B3GAT1: variants seen among roughly 807,000 people sequenced by gnomAD.
The protein encoded by B3GAT1 is galactosylgalactosylxylosylprotein 3-beta-glucuronosyltransferase 1.
B3GAT1 carries 11 observed loss-of-function variants against 28.4 expected under a neutral mutation model. The ratio of observed to expected loss-of-function variants is 0.39; its 90% CI spans 0.24 to 0.64. B3GAT1 has a LOEUF of 0.64. Ranked by LOEUF, B3GAT1 falls within the 30% of genes least tolerant of loss-of-function variation. The pLI, the probability that B3GAT1 is intolerant of heterozygous loss-of-function variation, is 0.50. For synonymous variants in B3GAT1, 255 were observed against 223.1 expected (o/e 1.14, Z -1.27); for missense variants, 375 against 491.0 (o/e 0.76, Z 2.23).
rs988891025 is a variant in B3GAT1, at chr11:134,384,439, A to G, written c.113-251T>C. On this transcript the variant is annotated intron_variant, in intron 2 of 5. Transcript: ENST00000312527. The stretch of plus-strand genomic sequence containing the variant: ...TTCCCACCTTTGCAGCCCTCTAGCT[A>G]TTTGAGCGCAGTTGCCCATATTCCA... 8.8e-5 allele frequency: 44 copies of G among 500,322 alleles called. No homozygotes were observed. In the East Asian group the frequency reaches 1.3e-3, roughly 15 times the overall value. 31.0% of individuals were successfully genotyped at this position (500,322 alleles called of 1,614,324 possible). A position where few individuals can be genotyped will look rare whatever the true frequency, so the allele number is the denominator to read the frequency against.
At chr11:134,406,329 T>C (rs1318993864) in intron 1 of B3GAT1, among the ~76,000 whole-genome samples, 1 of 152,216 alleles carries the variant, frequency 6.6e-6, no homozygotes, top group Non-Finnish European at 1.5e-5. Context: ...CAGATGCTTT[T>C]TAGTGACAAA....
At chr11:134,382,537 CCTGCCTGTCCGCAGTGTCG>C (rs1944157653) in intron 4 of B3GAT1, among the ~76,000 whole-genome samples, 154 bp downstream of exon 4, 3 of 152,230 alleles carry the variant, frequency 2.0e-5, no homozygotes, top group Admixed American at 1.3e-4. Context: ...TCTCCCTTTC[CCTGCCTGTCCGCAGTGTCG>C]CTGCCTTACA....
chr11:134,393,798 G>A lies in B3GAT1; in HGVS notation c.-281-5858C>T, dbSNP rs963869877. Among the ~76,000 whole-genome samples, 3 of 152,118 alleles carry A rather than the reference G, an allele frequency of 2.0e-5. No individual in the cohort carries two copies. The highest frequency in any genetic ancestry group is 2.1e-4 in the South Asian group (1 of 4,822). ...CGCCGGTCAGTGTGCTGTGCGGACC[G>A]GGTGCAGGACACCAACCTGCTGGTT... On this transcript the variant is annotated intron_variant, in intron 1 of 5. Transcript: ENST00000312527. The surrounding 1 kb of genome is among the most constrained non-coding windows in gnomAD (Gnocchi z 4.0).
rs577719743 is a variant in B3GAT1 at position 134,380,238 on chromosome 11, C to T, written c.*524G>A. 6.6e-6 allele frequency: 1 copy of T among 152,450 alleles called. No homozygotes were observed. Among genetic ancestry groups the T allele is most frequent in the South Asian group, 2.1e-4 (1 of 4,830 alleles). 9.4% of individuals were successfully genotyped at this position (152,450 alleles called of 1,614,324 possible). A position where few individuals can be genotyped will look rare whatever the true frequency, so the allele number is the denominator to read the frequency against. ...GGCAGCTCTCGGGAAGAGCAGGGGC[C>T]CAGGAGAGGAGCAGAGCGCTCGTGA... On this transcript the variant is annotated 3_prime_UTR_variant, in exon 6 of 6. Transcript: ENST00000312527.
At chr11:134,383,647 G>T in intron 3 of B3GAT1, 33 bp downstream of exon 3, 2 of 1,505,888 alleles carry the variant, frequency 1.3e-6, no homozygotes, top group Non-Finnish European at 8.9e-7. Context: ...CGCAGCCGGA[G>T]GTCCCGCTGC....
At chr11:134,404,455 T>A (rs1193057987) in intron 1 of B3GAT1, among the ~76,000 whole-genome samples, 1 of 152,194 alleles carries the variant, frequency 6.6e-6, no homozygotes, top group African/African-American at 2.4e-5. Context: ...ATGTGTTTTT[T>A]AAATAACAAT....
rs1045706459 is a variant in B3GAT1, at chr11:134,379,331, A to T, written c.*1431T>A. The stretch of plus-strand genomic sequence containing the variant: ...TTAGTTAAAAAATAAACACCTCTTC[A>T]GTAGGCTGGGGCCCTTTCCTTTTCC... On this transcript the variant is annotated 3_prime_UTR_variant, in exon 6 of 6. Transcript: ENST00000312527. 3 of 151,678 alleles carry T rather than the reference A, an allele frequency of 2.0e-5. No individual in the cohort carries two copies. The highest frequency in any genetic ancestry group is 4.4e-5 in the Non-Finnish European group (3 of 67,952). The allele number at this position is 151,678 out of a possible 1,614,324, so 9.4% of individuals were successfully genotyped here. A position where few individuals can be genotyped will look rare whatever the true frequency, so the allele number is the denominator to read the frequency against.
chr11:134,401,111 G>A (rs1944605186), intron 1 of B3GAT1, among the ~76,000 whole-genome samples: 1 of 152,210 alleles, frequency 6.6e-6, no homozygotes. Flanking sequence ...GCCAGGCTGT[G>A]GAGAAAAGGG....
intron 2 of B3GAT1, 129 bp from the exon 3 acceptor site, chr11:134,384,317 G>A (rs1412131997): frequency 4.8e-6 from 6 of 1,242,712 alleles, no homozygotes; most frequent in African/African-American, 3.0e-5. Flanking sequence ...TCAGACCCCC[G>A]CCTTGCCTGA....
At chr11:134,391,149 C>CAGTTGTGCATTAATT in intron 1 of B3GAT1, 1 of 152,208 alleles carries the variant, frequency 6.6e-6, no homozygotes, top group East Asian at 1.9e-4. Flanking sequence ...GCAATAAACC[C>CAGTTGTGCATTAATT]AGTTGTGCAT....
At chr11:134,402,660 C>G (rs1323420976) in intron 1 of B3GAT1, among the ~76,000 whole-genome samples, 1 of 152,122 alleles carries the variant, frequency 6.6e-6, no homozygotes, top group African/African-American at 2.4e-5. Context: ...TGCCTGTAAC[C>G]CCAGCACATT....
At chr11:134,388,066 C>T in intron 1 of B3GAT1, 126 bp from the exon 2 acceptor site, 1 of 391,656 alleles carries the variant, frequency 2.6e-6, no homozygotes, top group Admixed American at 3.0e-5. Context: ...CTGTCCATCA[C>T]CTGAGGACCT....
intron 1 of B3GAT1, among the ~76,000 whole-genome samples, chr11:134,398,398 A>C (rs1234363055): frequency 6.6e-6 from 1 of 151,910 alleles, no homozygotes; most frequent in Non-Finnish European, 1.5e-5. Flanking sequence ...GGCCAGTTCT[A>C]CTCTCTCTGC....
At position 134,378,989 on chromosome 11, in the gene B3GAT1, C is replaced by T. The variant is rs1280573673; in HGVS notation, c.*1773G>A. 2 of 152,184 alleles carry T rather than the reference C, an allele frequency of 1.3e-5. No homozygotes were observed. Among genetic ancestry groups the T allele is most frequent in the Non-Finnish European group, 2.9e-5 (2 of 68,032 alleles). 9.4% of individuals were successfully genotyped at this position (152,184 alleles called of 1,614,324 possible). On this transcript the variant is annotated 3_prime_UTR_variant, in exon 6 of 6. Transcript: ENST00000312527. ...TCTGTGAGGCAGTAGAGTGCCCACA[C>T]ATAAGCTCACCACCTGTGCCCACCT...
Position 134,378,575 on chromosome 11 carries a change from C to T in B3GAT1, c.*2187G>A, listed in dbSNP as rs1944062711. On this transcript the variant is annotated 3_prime_UTR_variant, in exon 6 of 6. Coordinates refer to ENST00000312527, the MANE Select transcript of B3GAT1 (RefSeq NM_054025.3). ...TTAAATACAGTTAAATTAAAACAGA[C>T]CAGATGCAGCTGCCTGGGTGCCACC... 6.6e-6 allele frequency: 1 copy of T among 152,202 alleles called. No individual in the cohort carries two copies. 9.4% of individuals were successfully genotyped at this position (152,202 alleles called of 1,614,324 possible).
At chr11:134,397,361 C>T (rs907160091) in intron 1 of B3GAT1, among the ~76,000 whole-genome samples, 5 of 152,288 alleles carry the variant, frequency 3.3e-5, no homozygotes, top group South Asian at 2.1e-4. Flanking sequence ...GCCTGCCCTG[C>T]GCCCGCCCAC....
intron 3 of B3GAT1, among the ~76,000 whole-genome samples, chr11:134,383,439 C>A (rs1397897472): frequency 6.6e-6 from 1 of 152,196 alleles, no homozygotes; most frequent in African/African-American, 2.4e-5. Flanking sequence ...TCAGGAGATA[C>A]CTCTAGGGCC....
intron 1 of B3GAT1, chr11:134,390,505 G>A (rs1944387654): frequency 6.6e-6 from 1 of 152,286 alleles, no homozygotes; most frequent in Non-Finnish European, 1.5e-5. Flanking sequence ...AAGGAGAGAA[G>A]ATGAGTGTCC....
Position 134,382,994 on chromosome 11 carries a change from T to C in B3GAT1, c.634A>G (p.Arg212Gly), listed in dbSNP as rs1324107236. The C allele has an allele frequency of 2.5e-6, 4 of 1,569,318 alleles. No homozygotes were observed. Among genetic ancestry groups the C allele is most frequent in the Non-Finnish European group, 3.5e-6 (4 of 1,155,916 alleles). Reference sequence around the variant, plus strand: ...GCGACGGGCCACACGGACACCCTCCTGGTGCTGCGCATCTACAAGGGGGGG... The same window carrying C: ...GCGACGGGCCACACGGACACCCTCCCGGTGCTGCGCATCTACAAGGGGGGG... ...LELFEEMRST[R>G]RVSVWPVAFV... Residue 212 changes from arginine to glycine, a missense_variant, in exon 4 of 6, where the codon AGG becomes GGG. By Grantham distance (125) the Arg-to-Gly change is moderately radical. Transcript: ENST00000312527.
Sources: gnomAD v4.1 joint callset for allele counts (sites outside exome capture counted in the v4.1 genomes callset) on GRCh38, gnomAD v4.1.1 for gene constraint, Gnocchi (gnomAD v3.1) non-coding constraint, MANE v1.5 for transcripts, NCBI Gene and HGNC (gene_info 2026-07-23, HGNC 2026-07-21) for gene names.